Variants in MYH15 observed in about 807,000 individuals in gnomAD.
MYH15 encodes myosin-15.
A neutral mutation model predicts 240.5 loss-of-function variants in MYH15; 227 were observed. The observed-to-expected ratio is 0.94, with a 90% confidence interval of 0.85 to 1.05. MYH15 has a LOEUF of 1.05. Among genes scored for constraint, MYH15 ranks in the 50% least tolerant of loss-of-function variants. MYH15 has a pLI of 0.00. For missense variants in MYH15, 2,217 were observed against 2,247.5 expected, an observed-to-expected ratio of 0.99 and a Z score of 0.27; for synonymous variants, 785 against 796.7, an observed-to-expected ratio of 0.99 and a Z score of 0.25.
chr3:108,466,655 A>G (rs1399819067), intron 14 of MYH15, among the ~76,000 whole-genome samples: 1 of 152,178 alleles, frequency 6.6e-6, no homozygotes, highest in Non-Finnish European at 1.5e-5. Flanking sequence ...GAAATTATTC[A>G]AACAAGCCTG....
At chr3:108,539,157 T>C in the MYH15 span, among the ~76,000 whole-genome samples, 2 of 152,204 alleles carry the variant, frequency 1.3e-5, no homozygotes, top group African/African-American at 2.4e-5. Context: ...AAAGTTAATA[T>C]ACAAAAGTCA....
chr3:108,395,076 G>A (rs1269304281), intron 35 of MYH15, among the ~76,000 whole-genome samples: 5 of 152,066 alleles, frequency 3.3e-5, no homozygotes, highest in African/African-American at 7.2e-5. Context: ...GACCAGCCTG[G>A]GCAACATGGT....
chr3:108,485,705 C>T lies in MYH15; in HGVS notation c.976-476G>A, dbSNP rs535045086. Among the ~76,000 whole-genome samples, 17 of 152,266 alleles carry T rather than the reference C, an allele frequency of 1.1e-4. 1 individual carries two copies. Among genetic ancestry groups the T allele is most frequent in the Admixed American group, 7.2e-4 (11 of 15,300 alleles). On this transcript the variant is annotated intron_variant, in intron 10 of 40. Coordinates refer to ENST00000693548, the MANE Select transcript of MYH15 (RefSeq NM_014981.3). Reference sequence around the variant, plus strand: ...ACCATAAAATTGCATCCTAAGAATCCACTGCACAAGGTGTGCATTCTCATA... The same window carrying T: ...ACCATAAAATTGCATCCTAAGAATCTACTGCACAAGGTGTGCATTCTCATA...
intron 25 of MYH15, among the ~76,000 whole-genome samples, chr3:108,437,029 C>A (rs184672300): frequency 6.6e-6 from 1 of 151,948 alleles, no homozygotes; most frequent in South Asian, 2.1e-4. Flanking sequence ...GAAAGTTTCC[C>A]TAATTTTGAT....
In MYH15 at chr3:108,384,677, A is replaced by G. The variant is rs749500390; in HGVS notation, c.5631+10T>C. The stretch of plus-strand genomic sequence containing the variant: ...AAATCCATGAGGCTGAAACTTCCCC[A>G]GGCACTCACCGCCACCTCGACTTGC... On this transcript the variant is annotated intron_variant, in intron 39 of 40. Coordinates refer to ENST00000693548, the MANE Select transcript of MYH15 (RefSeq NM_014981.3). 6.2e-7 allele frequency: 1 copy of G among 1,610,876 alleles called. No individual in the cohort carries two copies. Among genetic ancestry groups the G allele is most frequent in the Admixed American group, 1.7e-5 (1 of 59,984 alleles).
At chr3:108,515,385 G>A (rs1193642780), upstream of MYH15, among the ~76,000 whole-genome samples, 1 of 152,142 alleles carries the variant, frequency 6.6e-6, no homozygotes, top group Non-Finnish European at 1.5e-5. Context: ...AGCAATAAGG[G>A]ACCAAAGGAA....
intron 38 of MYH15, among the ~76,000 whole-genome samples, chr3:108,387,320 A>G (rs1018503713): frequency 2.6e-4 from 39 of 152,206 alleles, no homozygotes; most frequent in African/African-American, 9.4e-4. Context: ...AGTGTCCTCT[A>G]ATGTCTTTTT....
intron 20 of MYH15, among the ~76,000 whole-genome samples, chr3:108,454,933 T>C (rs2083006659): frequency 1.3e-5 from 2 of 152,082 alleles, no homozygotes; most frequent in Non-Finnish European, 2.9e-5. Flanking sequence ...ATGAATAGTA[T>C]ACAGTAAAAA....
At position 108,405,405 on chromosome 3, in the gene MYH15, G is replaced by A; in HGVS notation, c.4669C>T (p.Leu1557Phe). 2.0e-6 allele frequency: 3 copies of A among 1,532,768 alleles called. No individual in the cohort carries two copies. Among genetic ancestry groups the A allele is most frequent in the South Asian group, 1.3e-5 (1 of 77,820 alleles). 94.9% of individuals were successfully genotyped at this position (1,532,768 alleles called of 1,614,324 possible). A position where few individuals can be genotyped will look rare whatever the true frequency, so the allele number is the denominator to read the frequency against. Residue 1557 changes from leucine (L) to phenylalanine (F), a missense_variant, in exon 33 of 41, where the codon CTC becomes TTC. Transcript: ENST00000693548. ...ESKILHFQLE[L>F]LEAKAELERK... ...TCAAGTTCTGCTTTAGCTTCCAAGAGTTCAAGCTGGAAATGAAGAATCTTG... is the reference window on the plus strand; with the variant it reads ...TCAAGTTCTGCTTTAGCTTCCAAGAATTCAAGCTGGAAATGAAGAATCTTG...
chr3:108,525,298 A>G (rs2083658513), intron 1 of MYH15, among the ~76,000 whole-genome samples: 1 of 152,090 alleles, frequency 6.6e-6, no homozygotes, highest in South Asian at 2.1e-4. Flanking sequence ...TAAATGAATG[A>G]ACTCACTTTT....
intron 19 of MYH15, 122 bp downstream of exon 19, chr3:108,456,644 A>G: frequency 1.4e-6 from 1 of 700,272 alleles, no homozygotes; most frequent in Non-Finnish European, 2.5e-6. Flanking sequence ...CACCACCAAA[A>G]CACATCGATT....
intron 25 of MYH15, among the ~76,000 whole-genome samples, chr3:108,436,152 A>G (rs1386417526): frequency 6.6e-6 from 1 of 152,122 alleles, no homozygotes; most frequent in African/African-American, 2.4e-5. Flanking sequence ...TATTTAGGGG[A>G]AAAGTTTTAT....
In MYH15 at chr3:108,516,222, C is replaced by T. The variant is rs1193959745; in HGVS notation, c.-57-5635G>A. ...TTCGCTTGAGTTCTTCATCAAGGTA[C>T]GTTATTATGCATGTTTACTTTCAAA... On this transcript the variant is annotated intron_variant, in intron 1 of 41. Coordinates refer to the MYH15 transcript ENST00000273353. 4.6e-5 allele frequency among the ~76,000 whole-genome samples: 7 copies of T among 152,158 alleles called. No individual in the cohort carries two copies. The East Asian group carries it at 7.7e-4, about 17-fold the overall frequency.
chr3:108,459,425 T>G lies in MYH15; in HGVS notation c.1957A>C (p.Asn653His), dbSNP rs528326951. 6.2e-7 allele frequency: 1 copy of G among 1,605,316 alleles called. No individual in the cohort carries two copies. The highest frequency in any genetic ancestry group is 1.1e-5 in the South Asian group (1 of 88,762). Residue 653 changes from asparagine to histidine, a missense_variant, in exon 18 of 41, where the codon AAT becomes CAT. Physicochemically the swap from Asn to His is moderately conservative, Grantham distance 68 (BLOSUM62 1). Transcript: ENST00000693548. Reference sequence around the variant, plus strand: ...AAATGAGGTGCTGTTGATTTCAGATTAGTCATCAATTTATTCAGGTTTTCC... The same window carrying G: ...AAATGAGGTGCTGTTGATTTCAGATGAGTCATCAATTTATTCAGGTTTTCC... ...HKENLNKLMT[N>H]LKSTAPHFVR...
intron 22 of MYH15, among the ~76,000 whole-genome samples, 155 bp downstream of exon 22, chr3:108,444,485 T>C (rs1233735921): frequency 1.3e-5 from 2 of 152,202 alleles, no homozygotes; most frequent in African/African-American, 4.8e-5. Flanking sequence ...TGAAACAGGG[T>C]ATCTCTTTGT....
intron 9 of MYH15, among the ~76,000 whole-genome samples, chr3:108,487,433 T>C (rs1380182475): frequency 6.6e-6 from 1 of 152,228 alleles, no homozygotes; most frequent in Non-Finnish European, 1.5e-5. Flanking sequence ...CAGTGGATTA[T>C]TATTCAGCAA....
At chr3:108,408,519 G>A in intron 31 of MYH15, 115 bp from the exon 32 acceptor site, 4 of 1,049,102 alleles carry the variant, frequency 3.8e-6, no homozygotes, top group Non-Finnish European at 5.4e-6. Flanking sequence ...TGCCACCCTT[G>A]GTAACTTGAT....
chr3:108,444,630 G>T lies in MYH15; in HGVS notation c.2655+10C>A, dbSNP rs752214714. The T allele has an allele frequency of 1.9e-6, 3 of 1,613,428 alleles. No individual in the cohort carries two copies. Among genetic ancestry groups the T allele is most frequent in the Non-Finnish European group, 2.5e-6 (3 of 1,179,738 alleles). On this transcript the variant is annotated intron_variant, in intron 22 of 40. Coordinates refer to ENST00000693548, the MANE Select transcript of MYH15 (RefSeq NM_014981.3). Reference sequence around the variant, plus strand: ...ACTTGATTTAAAGAACAAATGGTGGGGCTACTCACAGCCTGAAGCTGAAGA... The same window carrying T: ...ACTTGATTTAAAGAACAAATGGTGGTGCTACTCACAGCCTGAAGCTGAAGA...
chr3:108,416,301 A>G (rs573661480), intron 29 of MYH15, among the ~76,000 whole-genome samples: 16 of 152,310 alleles, frequency 1.1e-4, no homozygotes, highest in African/African-American at 3.8e-4. Flanking sequence ...CTAAGAATTC[A>G]TTTAAATATC....
Sources: allele counts gnomAD v4.1 joint callset (sites outside exome capture counted in the v4.1 genomes callset), GRCh38; gene constraint gnomAD v4.1.1; transcripts MANE v1.5; gene names NCBI Gene and HGNC (gene_info 2026-07-23, HGNC 2026-07-21).